The following SEMA3A variants were observed in gnomAD, a reference collection of about 807,000 sequenced individuals.
SEMA3A encodes the protein semaphorin-3A.
In SEMA3A, 29 loss-of-function variants were observed where a neutral mutation model predicts 97.9. That is an observed-to-expected ratio of 0.30 (90% CI 0.22 to 0.40). The LOEUF is 0.40. Among genes scored for constraint, SEMA3A ranks in the 10% least tolerant of loss-of-function variants. The pLI is 1.00. For synonymous variants in SEMA3A, 321 were observed against 323.7 expected, an observed-to-expected ratio of 0.99 and a Z score of 0.09; for missense variants, 763 against 951.3, an observed-to-expected ratio of 0.80 and a Z score of 2.60.
chr7:84,249,894 G>C (rs1036157523), intron 3 of SEMA3A, among the ~76,000 whole-genome samples: 1 of 149,600 alleles, frequency 6.7e-6, no homozygotes, highest in Admixed American at 6.7e-5. Context: ...GGCTGTGCTT[G>C]CATAATGCTC....
chr7:84,189,846 A>C (rs1426578823), intron 1 of SEMA3A, among the ~76,000 whole-genome samples: 1 of 151,660 alleles, frequency 6.6e-6, no homozygotes, highest in African/African-American at 2.4e-5. Flanking sequence ...ATAATACATG[A>C]TTTATATAAT....
intron 2 of SEMA3A, among the ~76,000 whole-genome samples, chr7:84,338,843 TTTAAGTA>T (rs1802095345): frequency 6.6e-6 from 1 of 152,180 alleles, no homozygotes; most frequent in Non-Finnish European, 1.5e-5. Context: ...GGGACAAAGT[TTTAAGTA>T]TTAAGTGAAC....
chr7:84,416,836 G>A (rs1306110016), intron 1 of SEMA3A, among the ~76,000 whole-genome samples: 1 of 152,042 alleles, frequency 6.6e-6, no homozygotes, highest in Non-Finnish European at 1.5e-5. Flanking sequence ...AGTATTTGGA[G>A]AAAAACTTGG....
intron 1 of SEMA3A, among the ~76,000 whole-genome samples, chr7:84,468,470 T>C (rs939899832): frequency 1.1e-4 from 16 of 152,196 alleles, no homozygotes; most frequent in Non-Finnish European, 1.8e-4. Flanking sequence ...TTAGATGCCA[T>C]AAAGTTTTGA....
rs142188378 is a variant in SEMA3A at position 83,963,289 on chromosome 7, G to A, written c.1776C>T (p.Ser592=). ...ERIIYGVENS[S]TFLECSPKSQ... is the part of the protein sequence containing the mutation. ...ACTTCGGACTGCATTCCAAAAATGT[G>A]CTACTATTCTCTACACCATAGATGA... The change falls in exon 16 of 17, where the codon AGC becomes AGT. Residue 592 remains serine (S), a synonymous_variant. Coordinates refer to ENST00000265362, the MANE Select transcript of SEMA3A (RefSeq NM_006080.3). 4.2e-5 allele frequency: 67 copies of A among 1,613,600 alleles called. No individual in the cohort carries two copies. The highest frequency in any genetic ancestry group is 6.7e-5 in the Admixed American group (4 of 59,998).
rs150906676 is a variant in SEMA3A at position 84,409,507 on chromosome 7, A to G, written c.-245-37607T>C. ...TTTACAACTGCCCTAATGTTTTTAGATCAAGACATGAGGGGGAAAGAAATT... is the reference window on the plus strand; with the variant it reads ...TTTACAACTGCCCTAATGTTTTTAGGTCAAGACATGAGGGGGAAAGAAATT... On this transcript the variant is annotated intron_variant, in intron 1 of 3. Coordinates refer to the SEMA3A transcript ENST00000424555. Among the ~76,000 whole-genome samples the G allele has an allele frequency of 2.9e-3, 446 of 152,178 alleles. 1 individual carries two copies. The highest frequency in any genetic ancestry group is 0.01 in the African/African-American group (428 of 41,550).
At chr7:83,976,946 GATA>G (rs1016203027) in intron 15 of SEMA3A, among the ~76,000 whole-genome samples, 183 bp downstream of exon 15, 10 of 152,034 alleles carry the variant, frequency 6.6e-5, no homozygotes, top group African/African-American at 1.9e-4. Flanking sequence ...CATAATTTAT[GATA>G]ATAAAACATA....
chr7:84,275,183 T>G lies in SEMA3A; in HGVS notation c.-83+32024A>C, dbSNP rs573421209. On this transcript the variant is annotated intron_variant, in intron 3 of 3. Transcript: ENST00000424555. ...TAGCCTCCATTTTGTGAGAGTTAGT[T>G]TAATCAATGCTAGGAAATATAATAA... 2.2e-4 allele frequency among the ~76,000 whole-genome samples: 33 copies of G among 152,212 alleles called. No homozygotes were observed. The South Asian group carries it at 6.4e-3, about 30-fold the overall frequency.
intron 2 of SEMA3A, among the ~76,000 whole-genome samples, chr7:84,329,768 C>A (rs1241339243): frequency 6.6e-6 from 1 of 151,896 alleles, no homozygotes; most frequent in African/African-American, 2.4e-5. Flanking sequence ...ACATTTAGTG[C>A]AAAATAAGAG....
At chr7:84,488,060 A>G in intron 1 of SEMA3A, among the ~76,000 whole-genome samples, 1 of 152,060 alleles carries the variant, frequency 6.6e-6, no homozygotes, top group East Asian at 1.9e-4. Context: ...AAATAAAATG[A>G]AATCTCTCTT....
At chr7:84,090,148 C>G (rs1484519423) in intron 4 of SEMA3A, among the ~76,000 whole-genome samples, 1 of 151,912 alleles carries the variant, frequency 6.6e-6, no homozygotes. Context: ...TTTTATGTTG[C>G]AGTGGAGGAG....
intron 6 of SEMA3A, among the ~76,000 whole-genome samples, chr7:84,041,554 C>A (rs1369496438): frequency 6.6e-6 from 1 of 151,954 alleles, no homozygotes; most frequent in Non-Finnish European, 1.5e-5. Context: ...AAGAAAATAC[C>A]TTAAGTATTC....
chr7:84,168,283 C>T (rs1797277758), intron 1 of SEMA3A, among the ~76,000 whole-genome samples: 1 of 151,988 alleles, frequency 6.6e-6, no homozygotes. Flanking sequence ...AAAAATCAAA[C>T]TAAATTAATG....
At chr7:83,964,576 A>G (rs1010474331) in intron 15 of SEMA3A, among the ~76,000 whole-genome samples, 1 of 151,966 alleles carries the variant, frequency 6.6e-6, no homozygotes, top group Non-Finnish European at 1.5e-5. Context: ...CCCTCATCAT[A>G]CCCTACCTAC....
chr7:84,306,878 C>T (rs1801170086), intron 3 of SEMA3A, among the ~76,000 whole-genome samples: 1 of 152,022 alleles, frequency 6.6e-6, no homozygotes, highest in African/African-American at 2.4e-5. Flanking sequence ...GCTCACATTC[C>T]AGCTATCTCT....
rs751650598 is a variant in SEMA3A at position 84,168,653 on chromosome 7, T to G, written c.112+25822A>C. ...TAGAGAGAAATAAATGATGCCTATC[T>G]AGTTATGAAAATTATACTTTATTTT... On this transcript the variant is annotated intron_variant, in intron 1 of 16. Transcript: ENST00000265362. 2.0e-5 allele frequency among the ~76,000 whole-genome samples: 3 copies of G among 151,902 alleles called. No individual in the cohort carries two copies. In the East Asian group the frequency reaches 5.8e-4, roughly 29 times the overall value.
At chr7:84,278,840 A>G (rs1355992460) in intron 3 of SEMA3A, among the ~76,000 whole-genome samples, 1 of 152,082 alleles carries the variant, frequency 6.6e-6, no homozygotes, top group Non-Finnish European at 1.5e-5. Context: ...CATCACCATC[A>G]TCATTGGGGA....
At chr7:84,080,330 T>C (rs530738639) in intron 4 of SEMA3A, among the ~76,000 whole-genome samples, 98 of 151,730 alleles carry the variant, frequency 6.5e-4, no homozygotes, top group African/African-American at 1.4e-3. Flanking sequence ...TGTGCACATG[T>C]GCCCTAAAAC....
At chr7:84,218,087 A>G (rs1004455237) in intron 3 of SEMA3A, among the ~76,000 whole-genome samples, 1 of 152,078 alleles carries the variant, frequency 6.6e-6, no homozygotes, top group African/African-American at 2.4e-5. Context: ...ATAATTTAAT[A>G]TAATTCTTAC....
Sources: allele counts gnomAD v4.1 joint callset (sites outside exome capture counted in the v4.1 genomes callset), GRCh38; gene constraint gnomAD v4.1.1; transcripts MANE v1.5; gene names NCBI Gene and HGNC (gene_info 2026-07-23, HGNC 2026-07-21).